Variants in ELF5 observed in about 807,000 individuals in gnomAD.
ELF5 encodes E74 like ETS transcription factor 5, also known as ETS-related transcription factor Elf-5.
A neutral mutation model predicts 38.2 loss-of-function variants in ELF5; 31 were observed. The observed-to-expected ratio is 0.81, with a 90% CI of 0.61 to 1.10. The LOEUF (loss-of-function observed/expected upper bound fraction) is 1.10, where lower values mean the gene tolerates loss of function less well. Among genes scored for constraint, ELF5 ranks in the 50% least tolerant of loss-of-function variants. The pLI is 0.00. For synonymous variants in ELF5, 121 were observed against 112.5 expected, an observed-to-expected ratio of 1.08 and a Z score of -0.48; for missense variants, 300 against 306.6, an observed-to-expected ratio of 0.98 and a Z score of 0.16.
At chr11:34,489,819 T>C (rs1048484818) in intron 4 of ELF5, among the ~76,000 whole-genome samples, 190 bp downstream of exon 4, 3 of 152,182 alleles carry the variant, frequency 2.0e-5, no homozygotes, top group Non-Finnish European at 2.9e-5. Flanking sequence ...ACCCAAGCTA[T>C]GGTCCTACAG....
At position 34,505,612 on chromosome 11, in the gene ELF5, C is replaced by G. The variant is rs1167058320; in HGVS notation, c.121+17G>C. ...CATCCTGGCTGCACTCAGATGGGCT[C>G]CTTCAAATGTACGCACCTGTCTGAT... On this transcript the variant is annotated intron_variant, in intron 2 of 6. Coordinates refer to ENST00000257832, the MANE Select transcript of ELF5 (RefSeq NM_001422.4). 3 of 1,613,120 alleles carry G rather than the reference C, an allele frequency of 1.9e-6. No individual in the cohort carries two copies. Among genetic ancestry groups the G allele is most frequent in the Non-Finnish European group, 8.5e-7 (1 of 1,179,522 alleles).
In ELF5 at chr11:34,486,981, C is replaced by G. The variant is rs532745199; in HGVS notation, c.406+3028G>C. Among the ~76,000 whole-genome samples, 8 of 152,312 alleles carry G rather than the reference C, an allele frequency of 5.3e-5. No individual in the cohort carries two copies. In the South Asian group the frequency reaches 1.0e-3, roughly 20 times the overall value. ...GGGAATATCTGAGATCAGGAAACAT[C>G]ACCTGAGCCATAGGCACCATGATCA... On this transcript the variant is annotated intron_variant, in intron 4 of 6. Transcript: ENST00000257832.
intron 4 of ELF5, among the ~76,000 whole-genome samples, chr11:34,484,649 C>T (rs1849940318): frequency 6.6e-6 from 1 of 152,080 alleles, no homozygotes; most frequent in African/African-American, 2.4e-5. Flanking sequence ...TCTCTCAGTG[C>T]CACTGGGTCA....
At chr11:34,496,051 G>C (rs961021362) in intron 2 of ELF5, among the ~76,000 whole-genome samples, 2 of 111,880 alleles carry the variant, frequency 1.8e-5, no homozygotes, top group Non-Finnish European at 4.0e-5. Context: ...CTCTGTTCCC[G>C]TTTCCCTCCC....
intron 3 of ELF5, chr11:34,493,211 C>T: frequency 1.7e-6 from 1 of 594,278 alleles, no homozygotes; most frequent in Non-Finnish European, 3.0e-6. Context: ...TATTATCAGC[C>T]TGGTGCCTGG....
intron 2 of ELF5, among the ~76,000 whole-genome samples, chr11:34,498,545 C>T (rs1157529167): frequency 3.3e-5 from 5 of 152,150 alleles, no homozygotes; most frequent in African/African-American, 9.7e-5. Flanking sequence ...GGGACACAGG[C>T]GAGTCTGTGT....
chr11:34,493,432 C>T (rs1850228686), intron 3 of ELF5, 47 bp downstream of exon 3: 2 of 1,569,004 alleles, frequency 1.3e-6, no homozygotes, highest in African/African-American at 1.4e-5. Context: ...GTTGTTTGGT[C>T]CTAATCCTGG....
At chr11:34,493,877 C>T (rs1456626869) in intron 2 of ELF5, among the ~76,000 whole-genome samples, 165 bp from the exon 3 acceptor site, 1 of 152,098 alleles carries the variant, frequency 6.6e-6, no homozygotes, top group East Asian at 1.9e-4. Context: ...TTCTATTCTG[C>T]AGAGAAAACC....
chr11:34,513,262 G>A (rs1359265905), intron 1 of ELF5, among the ~76,000 whole-genome samples: 3 of 152,208 alleles, frequency 2.0e-5, no homozygotes, highest in African/African-American at 4.8e-5. Flanking sequence ...ACAGTGGGCA[G>A]GCCGGTGGGG....
In ELF5 at chr11:34,513,420, G is replaced by T. The variant is rs1850813729; in HGVS notation, c.-5+257C>A. ...TGGGCGCGTTCTCTTAATTCCCCTTGGTTCAGCTAAGGGATCCAGAGGGAG... is the reference window on the plus strand; with the variant it reads ...TGGGCGCGTTCTCTTAATTCCCCTTTGTTCAGCTAAGGGATCCAGAGGGAG... On this transcript the variant is annotated intron_variant, in intron 1 of 6. Coordinates refer to ENST00000257832, the MANE Select transcript of ELF5 (RefSeq NM_001422.4). 5.3e-5 allele frequency among the ~76,000 whole-genome samples: 8 copies of T among 152,378 alleles called. No homozygotes were observed. In the South Asian group the frequency reaches 1.7e-3, roughly 32 times the overall value.
At chr11:34,505,288 G>T (rs369620914) in intron 2 of ELF5, among the ~76,000 whole-genome samples, 1 of 152,182 alleles carries the variant, frequency 6.6e-6, no homozygotes, top group African/African-American at 2.4e-5. Context: ...CAGCATACCA[G>T]GTCCTGGGCT....
intron 1 of ELF5, among the ~76,000 whole-genome samples, chr11:34,512,831 A>T (rs980158992): frequency 6.6e-6 from 1 of 152,134 alleles, no homozygotes; most frequent in Non-Finnish European, 1.5e-5. Flanking sequence ...GGATGGGCAA[A>T]CCACCCCTTT....
At chr11:34,499,696 T>G (rs1229937450) in intron 2 of ELF5, among the ~76,000 whole-genome samples, 1 of 152,196 alleles carries the variant, frequency 6.6e-6, no homozygotes, top group Non-Finnish European at 1.5e-5. Flanking sequence ...TAAGAAAGTT[T>G]GTGAAGCTAG....
chr11:34,495,828 G>T (rs1850303087), intron 2 of ELF5, among the ~76,000 whole-genome samples: 1 of 152,192 alleles, frequency 6.6e-6, no homozygotes, highest in Non-Finnish European at 1.5e-5. Flanking sequence ...GGGGTTCCTG[G>T]CAGAACAAGG....
chr11:34,486,559 T>C (rs934410791), intron 4 of ELF5, among the ~76,000 whole-genome samples: 2 of 152,232 alleles, frequency 1.3e-5, no homozygotes, highest in African/African-American at 4.8e-5. Context: ...CATGTGTGCC[T>C]ATGTGAATAT....
At chr11:34,484,633 G>T (rs1849939555) in intron 4 of ELF5, among the ~76,000 whole-genome samples, 1 of 152,044 alleles carries the variant, frequency 6.6e-6, no homozygotes, top group South Asian at 2.1e-4. Flanking sequence ...GCTGCTTAGG[G>T]TGACCTCTCT....
intron 4 of ELF5, among the ~76,000 whole-genome samples, chr11:34,487,176 C>T (rs1485762259): frequency 6.6e-6 from 1 of 152,036 alleles, no homozygotes; most frequent in Non-Finnish European, 1.5e-5. Flanking sequence ...CGGGGGAAGG[C>T]CATGGTGTCC....
At chr11:34,492,555 C>T (rs2133884211) in intron 3 of ELF5, 1 of 152,322 alleles carries the variant, frequency 6.6e-6, no homozygotes, top group East Asian at 1.9e-4. Flanking sequence ...CCTTTAACAT[C>T]CTATAATATG....
intron 1 of ELF5, among the ~76,000 whole-genome samples, chr11:34,512,530 A>T (rs1850786930): frequency 6.6e-6 from 1 of 152,034 alleles, no homozygotes; most frequent in Non-Finnish European, 1.5e-5. Flanking sequence ...GATGTGGTAT[A>T]TAAATATTCA....
Sources: allele counts gnomAD v4.1 joint callset (sites outside exome capture counted in the v4.1 genomes callset), GRCh38; gene constraint gnomAD v4.1.1; transcripts MANE v1.5; gene names NCBI Gene and HGNC (gene_info 2026-07-23, HGNC 2026-07-21).